The following GLIS3 variants were observed in gnomAD, a reference collection of about 807,000 sequenced individuals.
GLIS3 encodes zinc finger protein GLIS3.
In GLIS3, 53 loss-of-function variants were observed where a neutral mutation model predicts 78.6. The ratio of observed to expected loss-of-function variants is 0.67; its 90% confidence interval spans 0.54 to 0.85. The LOEUF is 0.85. Ranked by LOEUF, GLIS3 falls within the 40% of genes least tolerant of loss-of-function variation. The probability of loss-of-function intolerance (pLI) is 0.00; values close to 1 mark genes in which losing one functional copy is unlikely to be tolerated. For missense variants in GLIS3, 1,703 were observed against 1,231.1 expected (o/e 1.38, Z -5.74); for synonymous variants, 684 against 509.9 (o/e 1.34, Z -4.60).
chr9:4,362,759 T>C, the GLIS3 span, among the ~76,000 whole-genome samples: 2 of 152,182 alleles, frequency 1.3e-5, no homozygotes, highest in Non-Finnish European at 2.9e-5. Context: ...TTTTGGTGCA[T>C]CATTTCATTC....
chr9:3,991,625 C>A (rs1489510347), intron 4 of GLIS3, among the ~76,000 whole-genome samples: 2 of 149,274 alleles, frequency 1.3e-5, no homozygotes, highest in African/African-American at 2.5e-5. Context: ...TTAACTGTTG[C>A]TTATCTTGGG....
At chr9:4,323,621 C>G (rs1221259140) in intron 2 of GLIS3, among the ~76,000 whole-genome samples, 4 of 152,220 alleles carry the variant, frequency 2.6e-5, no homozygotes, top group Non-Finnish European at 1.5e-5. Flanking sequence ...ACCTTCATAA[C>G]TAGGTCAGAC....
chr9:4,378,259 T>C, the GLIS3 span, among the ~76,000 whole-genome samples: 1 of 152,130 alleles, frequency 6.6e-6, no homozygotes, highest in Non-Finnish European at 1.5e-5. Flanking sequence ...GAAAATAAAA[T>C]TACATAATGC....
intron 4 of GLIS3, among the ~76,000 whole-genome samples, chr9:3,952,359 A>G (rs1160532311): frequency 1.3e-5 from 2 of 152,066 alleles, no homozygotes; most frequent in Non-Finnish European, 2.9e-5. Context: ...GCCCCCCCAG[A>G]GGCACCACCA....
chr9:4,469,824 C>A, the GLIS3 span, among the ~76,000 whole-genome samples: 9 of 151,736 alleles, frequency 5.9e-5, no homozygotes, highest in Non-Finnish European at 1.0e-4. Context: ...AAAATCCCTT[C>A]AAAAAATCAA....
chr9:4,152,113 C>G (rs1275462574), intron 2 of GLIS3: 1 of 982,352 alleles, frequency 1.0e-6, no homozygotes, highest in Non-Finnish European at 1.2e-6. Flanking sequence ...GCCATTCAAA[C>G]CTCTATTAGT....
chr9:4,217,647 T>C (rs1469226594), intron 2 of GLIS3, among the ~76,000 whole-genome samples: 1 of 152,184 alleles, frequency 6.6e-6, no homozygotes, highest in Non-Finnish European at 1.5e-5. Flanking sequence ...AGTGCTGAAC[T>C]CTGAAAAGAT....
intron 2 of GLIS3, among the ~76,000 whole-genome samples, chr9:4,216,939 C>T (rs1476369497): frequency 6.6e-6 from 1 of 152,182 alleles, no homozygotes; most frequent in Admixed American, 6.5e-5. Flanking sequence ...CCTAAGAGCA[C>T]AGAGGCCTCA....
chr9:4,339,661 A>C (rs1817803978), intron 2 of GLIS3, among the ~76,000 whole-genome samples: 1 of 147,908 alleles, frequency 6.8e-6, no homozygotes, highest in East Asian at 2.1e-4. Flanking sequence ...AAAGTTTCCC[A>C]AGCAAGGGTG....
At chr9:4,150,040 A>G (rs1219097338) in intron 2 of GLIS3, among the ~76,000 whole-genome samples, 1 of 137,742 alleles carries the variant, frequency 7.3e-6, no homozygotes, top group African/African-American at 3.3e-5. Context: ...GCACGCATGC[A>G]CACATAAACA....
chr9:4,133,519 A>C (rs1382291239), intron 2 of GLIS3, among the ~76,000 whole-genome samples: 1 of 152,164 alleles, frequency 6.6e-6, no homozygotes, highest in African/African-American at 2.4e-5. Flanking sequence ...ACAGTAGCTA[A>C]GAGCCATAGA....
chr9:4,242,305 C>A (rs931238600), intron 2 of GLIS3, among the ~76,000 whole-genome samples: 1 of 152,134 alleles, frequency 6.6e-6, no homozygotes, highest in African/African-American at 2.4e-5. Context: ...GGGAAAAAAA[C>A]GTGCCAACCA....
At chr9:4,149,102 T>C (rs1327264464) in intron 2 of GLIS3, among the ~76,000 whole-genome samples, 1 of 152,198 alleles carries the variant, frequency 6.6e-6, no homozygotes, top group African/African-American at 2.4e-5. Context: ...CAAGAACTTG[T>C]ACTATTACAG....
chr9:4,451,882 C>A, the GLIS3 span, among the ~76,000 whole-genome samples: 12 of 147,682 alleles, frequency 8.1e-5, no homozygotes, highest in African/African-American at 3.2e-4. Flanking sequence ...CACTAAATGC[C>A]CACAAGAGAA....
chr9:3,935,647 C>T (rs781143793), intron 5 of GLIS3, among the ~76,000 whole-genome samples: 14 of 152,068 alleles, frequency 9.2e-5, no homozygotes, highest in Admixed American at 1.3e-4. Flanking sequence ...AGGTTAATGA[C>T]GAATTGGAAA....
the GLIS3 span, among the ~76,000 whole-genome samples, chr9:4,404,848 G>A: frequency 3.3e-5 from 5 of 151,802 alleles, no homozygotes; most frequent in African/African-American, 1.2e-4. Context: ...ATTAGTAGAA[G>A]AAAAGAAATA....
the GLIS3 span, among the ~76,000 whole-genome samples, chr9:4,444,479 T>A: frequency 4.6e-5 from 7 of 152,238 alleles, no homozygotes. Flanking sequence ...CTCTAATCTG[T>A]CTGTCCTATG....
At chr9:3,972,555 G>C (rs886142180) in intron 4 of GLIS3, among the ~76,000 whole-genome samples, 25 of 152,120 alleles carry the variant, frequency 1.6e-4, no homozygotes, top group South Asian at 4.2e-4. Flanking sequence ...TTTCAAAAAG[G>C]GTTTTTTTTG....
chr9:4,220,428 C>G (rs1821223502), intron 2 of GLIS3, among the ~76,000 whole-genome samples: 1 of 152,304 alleles, frequency 6.6e-6, no homozygotes, highest in Non-Finnish European at 1.5e-5. Flanking sequence ...AACTGGCACA[C>G]AGTATCTTAG....
Sources: allele counts gnomAD v4.1 joint callset (sites outside exome capture counted in the v4.1 genomes callset), GRCh38; gene constraint gnomAD v4.1.1; transcripts MANE v1.5; gene names NCBI Gene and HGNC (gene_info 2026-07-23, HGNC 2026-07-21).